The following CACNA1C variants were observed in gnomAD, a reference collection of about 807,000 sequenced individuals.
The protein encoded by CACNA1C is voltage-dependent L-type calcium channel subunit alpha-1C.
A neutral mutation model predicts 229.0 loss-of-function variants in CACNA1C; 30 were observed. The observed-to-expected ratio is 0.13, with a 90% CI of 0.10 to 0.18. The LOEUF (loss-of-function observed/expected upper bound fraction) is 0.18. Ranked by LOEUF, CACNA1C falls within the 10% of genes least tolerant of loss-of-function variation. The pLI is 1.00. For synonymous variants in CACNA1C, 1,114 were observed against 1,132.5 expected (o/e 0.98, Z 0.33); for missense variants, 1,658 against 2,845.0 (o/e 0.58, Z 9.49).
intron 3 of CACNA1C, among the ~76,000 whole-genome samples, chr12:2,350,052 C>T (rs989446373): frequency 6.6e-6 from 1 of 152,186 alleles, no homozygotes. Flanking sequence ...GGCTATGACA[C>T]CCCTCTTAGG....
intron 5 of CACNA1C, among the ~76,000 whole-genome samples, chr12:2,460,398 G>A (rs1472854994): frequency 6.6e-6 from 1 of 152,190 alleles, no homozygotes; most frequent in Admixed American, 6.5e-5. Flanking sequence ...AAGAGACTGA[G>A]GAGATGATTG....
At chr12:2,552,298 A>C (rs2041725878) in intron 10 of CACNA1C, among the ~76,000 whole-genome samples, 2 of 145,352 alleles carry the variant, frequency 1.4e-5, no homozygotes, top group South Asian at 4.7e-4. Flanking sequence ...TGGGAGAGAC[A>C]CTATGCAAAT....
In CACNA1C at chr12:2,649,686, TTTGTTTG is replaced by T. The variant is rs1177895997; in HGVS notation, c.3945+1182_3945+1188del. On this transcript the variant is annotated intron_variant, in intron 31 of 46. Coordinates refer to ENST00000399655, the MANE Select transcript of CACNA1C (RefSeq NM_000719.7). The surrounding 1 kb of genome is among the most constrained non-coding windows in gnomAD (Gnocchi z 4.4). The stretch of plus-strand genomic sequence containing the variant: ...TGGTGTTTGGCGTTTTTTGGGTTTT[TTTGTTTG>T]TTTATTTTGTTTTTTTAACTGAGCA... Among the ~76,000 whole-genome samples, 2 of 85,372 alleles carry T rather than the reference TTTGTTTG, an allele frequency of 2.3e-5. No homozygotes were observed. Among genetic ancestry groups the T allele is most frequent in the Non-Finnish European group, 4.7e-5 (2 of 42,518 alleles). 56.0% of individuals were successfully genotyped at this position (85,372 alleles called of 152,430 possible).
chr12:1,997,892 TA>T, intron 1 of CACNA1C: 1 of 1,499,626 alleles, frequency 6.7e-7, no homozygotes, highest in Admixed American at 1.9e-5. Context: ...GCTAAAATAT[TA>T]TTTTGAAGAT....
intron 3 of CACNA1C, among the ~76,000 whole-genome samples, chr12:2,289,622 G>T (rs778902861): frequency 2.6e-5 from 4 of 151,978 alleles, no homozygotes; most frequent in Non-Finnish European, 5.9e-5. Flanking sequence ...AGCGGTGGGT[G>T]AGATAAAGGC....
chr12:2,353,453 C>T (rs1218094494), intron 3 of CACNA1C, among the ~76,000 whole-genome samples: 6 of 152,240 alleles, frequency 3.9e-5, no homozygotes, highest in African/African-American at 9.6e-5. Context: ...GGCGCTGCCG[C>T]GCTCAGCACC....
chr12:2,343,742 A>G (rs563145235), intron 3 of CACNA1C, among the ~76,000 whole-genome samples: 1 of 152,282 alleles, frequency 6.6e-6, no homozygotes, highest in South Asian at 2.1e-4. Flanking sequence ...CCTGGAAAAG[A>G]CGGATCTTGA....
At chr12:2,353,049 C>T (rs979176416) in intron 3 of CACNA1C, among the ~76,000 whole-genome samples, 5 of 152,144 alleles carry the variant, frequency 3.3e-5, no homozygotes, top group African/African-American at 9.7e-5. Flanking sequence ...CTTGGTTGAG[C>T]GCTCCACGTG....
intron 3 of CACNA1C, among the ~76,000 whole-genome samples, chr12:2,280,130 C>T (rs562561919): frequency 3.9e-5 from 6 of 152,052 alleles, no homozygotes; most frequent in African/African-American, 1.2e-4. Flanking sequence ...TGCTGTGCTT[C>T]GGTTTAACCT....
chr12:2,169,738 G>A (rs2096398352), intron 3 of CACNA1C, among the ~76,000 whole-genome samples: 1 of 152,206 alleles, frequency 6.6e-6, no homozygotes, highest in East Asian at 1.9e-4. Flanking sequence ...TACTATTTGA[G>A]GGCATTGTGA....
chr12:2,522,627 C>T (rs1489837186), intron 9 of CACNA1C, among the ~76,000 whole-genome samples: 1 of 152,180 alleles, frequency 6.6e-6, no homozygotes, highest in Non-Finnish European at 1.5e-5. Flanking sequence ...CCCACATACT[C>T]CCCGTAGGAG....
At chr12:2,474,274 A>G (rs1190968581) in intron 5 of CACNA1C, among the ~76,000 whole-genome samples, 1 of 152,202 alleles carries the variant, frequency 6.6e-6, no homozygotes, top group Non-Finnish European at 1.5e-5. Context: ...GTTGCTCAGC[A>G]AACAGCCAGT....
At chr12:2,620,072 A>G (rs142831056) in intron 29 of CACNA1C, among the ~76,000 whole-genome samples, 5 of 152,326 alleles carry the variant, frequency 3.3e-5, no homozygotes, top group African/African-American at 9.6e-5. Flanking sequence ...TATATTGTCA[A>G]TGAAGAACCA....
rs1018142062 is a variant in CACNA1C at position 1,994,503 on chromosome 12, A to G, written c.139+23302A>G. ...ACAAAGGGGTAAAGTGGTGGTAAGC[A>G]TACAATCAATACCAGAAATAATCAT... On this transcript the variant is annotated intron_variant, in intron 1 of 46. Coordinates refer to the CACNA1C transcript ENST00000682462. Among the ~76,000 whole-genome samples the G allele has an allele frequency of 1.2e-4, 18 of 152,232 alleles. 2 individuals are homozygous for G. Among genetic ancestry groups the G allele is most frequent in the Non-Finnish European group, 2.6e-4 (18 of 68,040 alleles).
intron 3 of CACNA1C, among the ~76,000 whole-genome samples, chr12:2,120,822 T>C (rs1175644413): frequency 6.6e-6 from 1 of 152,056 alleles, no homozygotes; most frequent in Non-Finnish European, 1.5e-5. Flanking sequence ...GTTCCATTGG[T>C]GGGGTTTGCT....
At chr12:2,097,369 A>G (rs915233181) in intron 1 of CACNA1C, among the ~76,000 whole-genome samples, 2 of 152,052 alleles carry the variant, frequency 1.3e-5, no homozygotes, top group Non-Finnish European at 2.9e-5. Flanking sequence ...GATAGTCTCG[A>G]TCTCCTGACC....
intron 6 of CACNA1C, among the ~76,000 whole-genome samples, chr12:2,490,668 G>A (rs12581777): frequency 1.3e-5 from 2 of 152,104 alleles, no homozygotes; most frequent in Non-Finnish European, 2.9e-5. Context: ...GTATTATTTA[G>A]GCTTAGGATT....
chr12:2,019,534 A>AAAGGAAGGAAGGAAAGAAGG (rs1357591078), intron 1 of CACNA1C, among the ~76,000 whole-genome samples: 42 of 150,412 alleles, frequency 2.8e-4, no homozygotes, highest in Non-Finnish European at 3.7e-4. Context: ...GAAGGAAAAG[A>AAAGGAAGGAAGGAAAGAAGG]AAGGAAGGAA....
chr12:2,536,991 A>G (rs534912970), intron 9 of CACNA1C, among the ~76,000 whole-genome samples: 3 of 152,328 alleles, frequency 2.0e-5, no homozygotes, highest in Non-Finnish European at 4.4e-5. Flanking sequence ...CCAGGATCCA[A>G]ACTCAGGCCC....
Sources: gnomAD v4.1 joint callset for allele counts (sites outside exome capture counted in the v4.1 genomes callset) on GRCh38, gnomAD v4.1.1 for gene constraint, Gnocchi (gnomAD v3.1) non-coding constraint, MANE v1.5 for transcripts, NCBI Gene and HGNC (gene_info 2026-07-23, HGNC 2026-07-21) for gene names.